PUM1: variants seen among roughly 807,000 people sequenced by gnomAD.
PUM1 encodes pumilio homolog 1.
PUM1 carries 13 observed loss-of-function variants against 131.8 expected under a neutral mutation model. The ratio of observed to expected loss-of-function variants is 0.10; its 90% CI spans 0.06 to 0.16. The LOEUF is 0.16. Ranked by LOEUF, PUM1 falls within the 10% of genes least tolerant of loss-of-function variation. The pLI, the probability that PUM1 is intolerant of heterozygous loss-of-function variation, is 1.00. For missense variants in PUM1, 961 were observed against 1,512.4 expected (o/e 0.64, Z 6.05); for synonymous variants, 509 against 556.5 (o/e 0.91, Z 1.20).
Position 30,992,599 on chromosome 1 carries a change from T to G in PUM1, c.949A>C (p.Asn317His), listed in dbSNP as rs2124486243. 2 of 1,614,206 alleles carry G rather than the reference T, an allele frequency of 1.2e-6. No individual in the cohort carries two copies. The change falls in exon 7 of 22, where the codon AAT becomes CAT. Residue 317 changes from asparagine to histidine, a missense_variant. Physicochemically the swap from Asn to His is moderately conservative, Grantham distance 68 (BLOSUM62 1). Coordinates refer to ENST00000426105, the MANE Select transcript of PUM1 (RefSeq NM_001020658.2). The part of the protein sequence containing the change: ...NEVDLLGPNQ[N>H]GSEGLAQLTS... ...AGCTGGGCTAAGCCCTCAGAACCAT[T>G]CTGGTTTGGACCCAGAAGATCCACT...
intron 6 of PUM1, 54 bp downstream of exon 6, chr1:30,994,996 AAAAC>A (rs2124490033): frequency 6.5e-7 from 1 of 1,547,218 alleles, no homozygotes; most frequent in Non-Finnish European, 8.7e-7. Context: ...AAACTAAATC[AAAAC>A]AAACAAAATC....
chr1:30,976,597 T>C (rs947809387), intron 9 of PUM1, among the ~76,000 whole-genome samples: 8 of 152,318 alleles, frequency 5.3e-5, no homozygotes, highest in African/African-American at 1.9e-4. Context: ...CTGCCCAATA[T>C]AAATATGTTT....
At chr1:30,974,001 C>G (rs917631823) in intron 10 of PUM1, among the ~76,000 whole-genome samples, 2 of 151,656 alleles carry the variant, frequency 1.3e-5, no homozygotes, top group Non-Finnish European at 2.9e-5. Flanking sequence ...GGCAGGAGAA[C>G]TGCTTGAATC....
At chr1:30,970,308 TATAAGGTGACCAACACTGTCCAC>T (rs1439271436) in intron 10 of PUM1, among the ~76,000 whole-genome samples, 1 of 152,130 alleles carries the variant, frequency 6.6e-6, no homozygotes, top group Non-Finnish European at 1.5e-5. Context: ...GTTAAGTGAG[TATAAGGTGACCAACACTGTCCAC>T]ACTGGCAAGA....
chr1:30,944,100 A>G (rs1390436488), intron 18 of PUM1, among the ~76,000 whole-genome samples: 2 of 152,136 alleles, frequency 1.3e-5, no homozygotes, highest in African/African-American at 4.8e-5. Context: ...TCTTAATGTT[A>G]AGGTAAACAG....
In PUM1 at chr1:30,941,149, A is replaced by G. The variant is rs755859955; in HGVS notation, c.3242+2T>C. On this transcript the variant is annotated splice_donor_variant, in intron 20 of 21. Transcript: ENST00000426105. LOFTEE classifies it high-confidence loss of function. ...ATAGTCCTTGTAACTCAAAGCACGT[A>G]CCTTGCAAATTTGTGCTGACTCAAT... 3 of 1,612,954 alleles carry G rather than the reference A, an allele frequency of 1.9e-6. No homozygotes were observed. Among genetic ancestry groups the G allele is most frequent in the Non-Finnish European group, 2.5e-6 (3 of 1,179,344 alleles).
Position 31,010,117 on chromosome 1 carries a change from C to CA in PUM1, c.433-3016dup, listed in dbSNP as rs61542082. Among the ~76,000 whole-genome samples, 167 of 147,544 alleles carry CA rather than the reference C, an allele frequency of 1.1e-3. 1 individual carries two copies. The highest frequency in any genetic ancestry group is 2.9e-3 in the East Asian group (15 of 5,090). On this transcript the variant is annotated intron_variant, in intron 3 of 21. Transcript: ENST00000426105. ...AAAAGTGTGGTTTTTGCCACTATGG[C>CA]AAAAAAAAAAGAAAGCAAAAGACTG... is the stretch of plus-strand genomic sequence containing the variant.
At chr1:30,966,654 T>C (rs1405204395) in intron 12 of PUM1, among the ~76,000 whole-genome samples, 2 of 152,202 alleles carry the variant, frequency 1.3e-5, no homozygotes, top group South Asian at 2.1e-4. Flanking sequence ...CAAATTCCTA[T>C]TTTAGCACAC....
rs536271332 is a variant in PUM1 at position 31,029,160 on chromosome 1, A to G, written c.364-296T>C. On this transcript the variant is annotated intron_variant, in intron 2 of 21. Coordinates refer to ENST00000426105, the MANE Select transcript of PUM1 (RefSeq NM_001020658.2). The stretch of plus-strand genomic sequence containing the variant: ...GAGAATTATGTTAGCTATTTCTCAT[A>G]CTTTTTAATTTAATAAGACCAACAT... Among the ~76,000 whole-genome samples the G allele has an allele frequency of 7.2e-5, 11 of 152,386 alleles. No individual in the cohort carries two copies. The South Asian group carries it at 2.3e-3, about 32-fold the overall frequency.
chr1:30,976,262 G>A (rs1037969701), intron 9 of PUM1, among the ~76,000 whole-genome samples: 1 of 152,152 alleles, frequency 6.6e-6, no homozygotes, highest in African/African-American at 2.4e-5. Flanking sequence ...ATTCTATGAC[G>A]AAGCTGGTAG....
At chr1:31,054,033 G>T (rs1644174845) in intron 2 of PUM1, among the ~76,000 whole-genome samples, 1 of 145,008 alleles carries the variant, frequency 6.9e-6, no homozygotes, top group Admixed American at 7.4e-5. Flanking sequence ...GGCGGAGGTT[G>T]CAGTGAGCTG....
intron 5 of PUM1, among the ~76,000 whole-genome samples, chr1:31,003,084 A>G (rs943189869): frequency 2.0e-4 from 30 of 152,318 alleles, no homozygotes; most frequent in African/African-American, 6.3e-4. Context: ...CAATCACTAT[A>G]CCATCAGAGA....
intron 3 of PUM1, among the ~76,000 whole-genome samples, chr1:31,027,304 C>T (rs1643259998): frequency 6.6e-6 from 1 of 152,078 alleles, no homozygotes; most frequent in Admixed American, 6.6e-5. Context: ...GAAAGAAAAA[C>T]ACCTGGAATT....
chr1:31,025,189 T>C (rs975950454), intron 3 of PUM1, among the ~76,000 whole-genome samples: 1 of 152,210 alleles, frequency 6.6e-6, no homozygotes. Context: ...TATTTTTAAG[T>C]AGTCACCTCT....
intron 5 of PUM1, among the ~76,000 whole-genome samples, chr1:30,996,144 T>C (rs1294018488): frequency 6.6e-6 from 1 of 152,224 alleles, no homozygotes; most frequent in East Asian, 1.9e-4. Flanking sequence ...TGCAGAACCT[T>C]ACACCAAAGG....
At position 30,964,834 on chromosome 1, in the gene PUM1, C is replaced by T. The variant is rs1425952813; in HGVS notation, c.2163G>A (p.Ser721=). 6.2e-7 allele frequency: 1 copy of T among 1,614,020 alleles called. No individual in the cohort carries two copies. The highest frequency in any genetic ancestry group is 8.5e-7 in the Non-Finnish European group (1 of 1,179,994). The change falls in exon 14 of 22, where the codon TCG becomes TCA. Residue 721 remains serine (S), a synonymous_variant. Coordinates refer to ENST00000426105, the MANE Select transcript of PUM1 (RefSeq NM_001020658.2). The part of the protein sequence containing the change: ...TGSSDLYKRT[S]SSLTPIGHSF... ...TGTGTCCAATGGGGGTCAAGCTGCT[C>T]GATGTCCTCTTATAAAGGTCACTGC...
chr1:31,043,723 G>A (rs1474046074), intron 2 of PUM1, among the ~76,000 whole-genome samples: 1 of 151,996 alleles, frequency 6.6e-6, no homozygotes, highest in African/African-American at 2.4e-5. Context: ...CCTCTTCCCG[G>A]GTTTGTAAAC....
chr1:30,994,250 G>T (rs1172605377), intron 6 of PUM1, among the ~76,000 whole-genome samples: 1 of 152,034 alleles, frequency 6.6e-6, no homozygotes, highest in Non-Finnish European at 1.5e-5. Flanking sequence ...AGGGGTGTGA[G>T]TGTGTGCATG....
intron 2 of PUM1, among the ~76,000 whole-genome samples, chr1:31,035,894 T>C (rs573998351): frequency 6.6e-6 from 1 of 152,356 alleles, no homozygotes; most frequent in African/African-American, 2.4e-5. Context: ...ACCTATTGCA[T>C]GATGTTATGA....
Sources: allele counts gnomAD v4.1 joint callset (sites outside exome capture counted in the v4.1 genomes callset), GRCh38; gene constraint gnomAD v4.1.1; transcripts MANE v1.5; gene names NCBI Gene and HGNC (gene_info 2026-07-23, HGNC 2026-07-21).